STAG1: variants seen among roughly 807,000 people sequenced by gnomAD.
STAG1 encodes the protein cohesin subunit SA-1.
In STAG1, 26 loss-of-function variants were observed where a neutral mutation model predicts 170.9. That is an observed-to-expected ratio of 0.15 (90% CI 0.11 to 0.21). STAG1 has a LOEUF of 0.21. Among genes scored for constraint, STAG1 ranks in the 10% least tolerant of loss-of-function variants. The pLI, the probability that STAG1 is intolerant of heterozygous loss-of-function variation, is 1.00. For synonymous variants in STAG1, 514 were observed against 497.7 expected, an observed-to-expected ratio of 1.03 and a Z score of -0.44; for missense variants, 964 against 1,509.5, an observed-to-expected ratio of 0.64 and a Z score of 5.99.
intron 1 of STAG1, among the ~76,000 whole-genome samples, chr3:136,708,769 CA>C (rs2107916215): frequency 6.6e-6 from 1 of 152,180 alleles, no homozygotes; most frequent in African/African-American, 2.4e-5. Flanking sequence ...TCACCCCTCC[CA>C]TCCCATTCGT....
At chr3:136,580,024 G>A (rs1006293142) in intron 4 of STAG1, among the ~76,000 whole-genome samples, 1 of 126,566 alleles carries the variant, frequency 7.9e-6, no homozygotes, top group Non-Finnish European at 1.6e-5. Context: ...CTGGAGTCCA[G>A]TGGTGCGATC....
intron 4 of STAG1, among the ~76,000 whole-genome samples, chr3:136,580,078 C>G (rs1313049640): frequency 6.8e-6 from 1 of 148,132 alleles, no homozygotes. Context: ...AGCAATCCTC[C>G]TGTCTCAGCC....
chr3:136,557,982 A>T (rs1035571536), intron 5 of STAG1, among the ~76,000 whole-genome samples: 3 of 152,264 alleles, frequency 2.0e-5, no homozygotes, highest in African/African-American at 7.2e-5. Context: ...ACAAAGACAG[A>T]CAAAAATCCC....
At chr3:136,715,887 G>T (rs1169975067) in intron 1 of STAG1, among the ~76,000 whole-genome samples, 7 of 148,730 alleles carry the variant, frequency 4.7e-5, no homozygotes, top group Admixed American at 4.0e-4. Flanking sequence ...CACCTGAGGT[G>T]AGGAGTTCGA....
rs59155124 is a variant in STAG1 at position 136,541,538 on chromosome 3, TCACACA to T, written c.471+575_471+580del. On this transcript the variant is annotated intron_variant, in intron 6 of 33. Transcript: ENST00000383202. The stretch of plus-strand genomic sequence containing the variant: ...AGTATCCCAAATAGAAGCTTAACAT[TCACACA>T]CACACACACACACACACACACACAC... Among the ~76,000 whole-genome samples, 645 of 123,202 alleles carry T rather than the reference TCACACA, an allele frequency of 5.2e-3. 4 individuals carry two copies. The highest frequency in any genetic ancestry group is 0.013 in the East Asian group (55 of 4,286). The allele number at this position is 123,202 out of a possible 152,430, so 80.8% of individuals were successfully genotyped here. A position where few individuals can be genotyped will look rare whatever the true frequency, so the allele number is the denominator to read the frequency against.
intron 22 of STAG1, among the ~76,000 whole-genome samples, chr3:136,391,659 G>A (rs1311558349): frequency 6.6e-6 from 1 of 152,250 alleles, no homozygotes; most frequent in Non-Finnish European, 1.5e-5. Context: ...ACAGGCGTAA[G>A]CCACCATGCC....
In STAG1 at chr3:136,707,303, G is replaced by A. The variant is rs556489393; in HGVS notation, c.-84+44892C>T. Among the ~76,000 whole-genome samples the A allele has an allele frequency of 4.6e-5, 7 of 152,294 alleles. No individual in the cohort carries two copies. In the South Asian group the frequency reaches 1.5e-3, roughly 32 times the overall value. On this transcript the variant is annotated intron_variant, in intron 1 of 33. Coordinates refer to ENST00000383202, the MANE Select transcript of STAG1 (RefSeq NM_005862.3). The stretch of plus-strand genomic sequence containing the variant: ...ATGAGAGAAAATACTTACGGGTCCA[G>A]TATCCAGACTACATAAAGAACTCTT...
At chr3:136,746,221 T>C (rs1271027220) in intron 1 of STAG1, among the ~76,000 whole-genome samples, 3 of 152,216 alleles carry the variant, frequency 2.0e-5, no homozygotes, top group Non-Finnish European at 4.4e-5. Context: ...AAGAATCATC[T>C]AAATTCTAAA....
chr3:136,531,431 A>T (rs1457297022), intron 6 of STAG1, among the ~76,000 whole-genome samples: 2 of 150,746 alleles, frequency 1.3e-5, no homozygotes, highest in East Asian at 3.9e-4. Flanking sequence ...AAGGACTATA[A>T]ATCATGCTGC....
intron 4 of STAG1, among the ~76,000 whole-genome samples, chr3:136,570,300 TATC>T (rs1468328709): frequency 1.3e-5 from 2 of 152,214 alleles, no homozygotes; most frequent in Non-Finnish European, 1.5e-5. Flanking sequence ...ATATAAATGA[TATC>T]ATCTTTTTTT....
At chr3:136,661,423 T>C (rs911290347) in intron 1 of STAG1, among the ~76,000 whole-genome samples, 9 of 152,176 alleles carry the variant, frequency 5.9e-5, no homozygotes, top group African/African-American at 2.2e-4. Flanking sequence ...ACACCTGACC[T>C]TAGGTCGTGG....
intron 16 of STAG1, among the ~76,000 whole-genome samples, chr3:136,431,365 C>T (rs961957486): frequency 6.6e-6 from 1 of 150,688 alleles, no homozygotes; most frequent in Non-Finnish European, 1.5e-5. Flanking sequence ...CTCTGCCTCC[C>T]GGGTTCAAGA....
At chr3:136,543,621 A>C (rs952873383) in intron 5 of STAG1, among the ~76,000 whole-genome samples, 1 of 152,194 alleles carries the variant, frequency 6.6e-6, no homozygotes, top group Admixed American at 6.5e-5. Context: ...TCTCAGCTCC[A>C]TCAGTTACCG....
At chr3:136,426,713 C>T (rs2088136251) in intron 16 of STAG1, among the ~76,000 whole-genome samples, 1 of 151,898 alleles carries the variant, frequency 6.6e-6, no homozygotes, top group South Asian at 2.1e-4. Context: ...CTGAGACAGA[C>T]AGATCACTAG....
At chr3:136,594,488 CAG>C (rs1200650378) in intron 4 of STAG1, among the ~76,000 whole-genome samples, 3 of 152,102 alleles carry the variant, frequency 2.0e-5, no homozygotes, top group Non-Finnish European at 2.9e-5. Flanking sequence ...CAAAAGCAAA[CAG>C]AAGACCAAAT....
chr3:136,412,217 A>C (rs2087644053), intron 21 of STAG1, among the ~76,000 whole-genome samples: 2 of 152,210 alleles, frequency 1.3e-5, no homozygotes, highest in South Asian at 4.1e-4. Context: ...AAAGGAATTC[A>C]GAACTGTAAA....
intron 7 of STAG1, chr3:136,518,272 G>A (rs1398287906): frequency 1.6e-6 from 1 of 616,922 alleles, no homozygotes; most frequent in East Asian, 2.8e-5. Context: ...TCTCAGCTAA[G>A]ATTTAAGCAA....
At chr3:136,511,246 G>A (rs540560981) in intron 7 of STAG1, among the ~76,000 whole-genome samples, 1 of 152,154 alleles carries the variant, frequency 6.6e-6, no homozygotes, top group Non-Finnish European at 1.5e-5. Context: ...TTGCCTTTAT[G>A]AATTACCCAG....
chr3:136,693,663 G>C (rs755554100), intron 1 of STAG1, among the ~76,000 whole-genome samples: 2 of 151,898 alleles, frequency 1.3e-5, no homozygotes, highest in Admixed American at 1.3e-4. Context: ...TTGACCTCCC[G>C]GGCTCAACTA....
Sources: allele counts gnomAD v4.1 joint callset (sites outside exome capture counted in the v4.1 genomes callset), GRCh38; gene constraint gnomAD v4.1.1; transcripts MANE v1.5; gene names NCBI Gene and HGNC (gene_info 2026-07-23, HGNC 2026-07-21).